Variants in ATP11A observed in about 807,000 individuals in gnomAD.
The protein encoded by ATP11A is ATPase phospholipid transporting 11A.
In ATP11A, 81 loss-of-function variants were observed where a neutral mutation model predicts 154.4. The observed-to-expected ratio is 0.52, with a 90% CI of 0.44 to 0.63. The LOEUF is 0.63. ATP11A is among the 30% of genes least tolerant of loss of function. The probability of loss-of-function intolerance (pLI) is 0.00; values close to 1 mark genes in which losing one functional copy is unlikely to be tolerated. For synonymous variants in ATP11A, 623 were observed against 585.9 expected (o/e 1.06, Z -0.91); for missense variants, 1,316 against 1,474.3 (o/e 0.89, Z 1.76).
Position 112,880,406 on chromosome 13 carries a change from C to G in ATP11A, c.*10-1470C>G, listed in dbSNP as rs965172136. ...GCCCCAAGCCCTCGCCCTGGCAGCTCCATGACACCCCATGCAGACTCCAAC... is the reference window on the plus strand; with the variant it reads ...GCCCCAAGCCCTCGCCCTGGCAGCTGCATGACACCCCATGCAGACTCCAAC... On this transcript the variant is annotated intron_variant, in intron 29 of 29. Coordinates refer to ENST00000375645, the MANE Select transcript of ATP11A (RefSeq NM_015205.3). The G allele has an allele frequency of 1.5e-5, 10 of 654,008 alleles. No homozygotes were observed. In the African/African-American group the frequency reaches 1.8e-4, roughly 11 times the overall value. 40.5% of individuals were successfully genotyped at this position (654,008 alleles called of 1,614,324 possible).
intron 1 of ATP11A, among the ~76,000 whole-genome samples, chr13:112,729,308 C>G (rs1474837029): frequency 6.6e-6 from 1 of 152,234 alleles, no homozygotes; most frequent in African/African-American, 2.4e-5. Flanking sequence ...CGTTTGCTTT[C>G]CCACCCCTGC....
At position 112,854,550 on chromosome 13, in the gene ATP11A, C is replaced by G; in HGVS notation, c.2243+20C>G. On this transcript the variant is annotated intron_variant, in intron 19 of 29. Coordinates refer to ENST00000375645, the MANE Select transcript of ATP11A (RefSeq NM_015205.3). ...GTCCGGGTAGGCAGCGCGTCCCCGC[C>G]CCCACCCCCACACTCCCGCAAAAGG... The G allele has an allele frequency of 6.3e-7, 1 of 1,594,362 alleles. No homozygotes were observed. The highest frequency in any genetic ancestry group is 8.5e-7 in the Non-Finnish European group (1 of 1,173,530).
chr13:112,822,824 C>T (rs2078833908), intron 8 of ATP11A, among the ~76,000 whole-genome samples: 1 of 152,032 alleles, frequency 6.6e-6, no homozygotes, highest in African/African-American at 2.4e-5. Context: ...TTAGCCTTTC[C>T]AGAACATTCT....
Position 112,878,347 on chromosome 13 carries a change from G to A in ATP11A, c.*9+44G>A, listed in dbSNP as rs573062516. ...CCACGCACCTGGGATGGTAGACACG[G>A]GGCAGCAGGGCCATGCCCATCACCA... On this transcript the variant is annotated intron_variant, in intron 29 of 29. Coordinates refer to ENST00000375645, the MANE Select transcript of ATP11A (RefSeq NM_015205.3). 20 of 1,593,522 alleles carry A rather than the reference G, an allele frequency of 1.3e-5. No homozygotes were observed. In the East Asian group the frequency reaches 4.2e-4, roughly 34 times the overall value.
chr13:112,717,586 A>G (rs1022780915), intron 1 of ATP11A: 12 of 152,340 alleles, frequency 7.9e-5, no homozygotes, highest in African/African-American at 2.4e-4. Flanking sequence ...CACTACTGTC[A>G]AGTTTATAGA....
chr13:112,778,522 C>T (rs2077402029), intron 1 of ATP11A, among the ~76,000 whole-genome samples: 1 of 152,270 alleles, frequency 6.6e-6, no homozygotes, highest in Non-Finnish European at 1.5e-5. Flanking sequence ...TTGCTTGAGC[C>T]CAGGAGTTCA....
chr13:112,697,593 A>G lies in ATP11A; in HGVS notation c.39+7138A>G, dbSNP rs1418304640. Among the ~76,000 whole-genome samples the G allele has an allele frequency of 1.3e-5, 2 of 152,022 alleles. No homozygotes were observed. Among genetic ancestry groups the G allele is most frequent in the African/African-American group, 2.4e-5 (1 of 41,380 alleles). ...TTTTTATTTTTTATTTTTGAGACAGAGTCTCACTGTGTTGCTCAGGCTGGA... is the reference window on the plus strand; with the variant it reads ...TTTTTATTTTTTATTTTTGAGACAGGGTCTCACTGTGTTGCTCAGGCTGGA... On this transcript the variant is annotated intron_variant, in intron 1 of 29. Coordinates refer to ENST00000375645, the MANE Select transcript of ATP11A (RefSeq NM_015205.3). The surrounding 1 kb of genome is among the most constrained non-coding windows in gnomAD (Gnocchi z 4.0).
chr13:112,820,155 G>A (rs1228449668), intron 8 of ATP11A, among the ~76,000 whole-genome samples: 1 of 152,220 alleles, frequency 6.6e-6, no homozygotes, highest in Non-Finnish European at 1.5e-5. Flanking sequence ...AGTGATGCTC[G>A]TGAAACAAGT....
intron 1 of ATP11A, among the ~76,000 whole-genome samples, chr13:112,772,294 G>T (rs1315662973): frequency 6.6e-6 from 1 of 152,212 alleles, no homozygotes; most frequent in Non-Finnish European, 1.5e-5. Flanking sequence ...CAGAAGATGG[G>T]CAGGTAGAAG....
At chr13:112,828,123 G>GGGGGAAAGCA (rs2078983298) in intron 12 of ATP11A, among the ~76,000 whole-genome samples, 1 of 139,274 alleles carries the variant, frequency 7.2e-6, no homozygotes, top group African/African-American at 2.7e-5. Context: ...GGGGGGAAGC[G>GGGGGAAAGCA]CCCAGCAGCG....
At chr13:112,772,682 A>G (rs9604436) in intron 1 of ATP11A, among the ~76,000 whole-genome samples, 14,346 of 152,156 alleles carry the variant, frequency 0.094, 1,025 homozygotes, top group African/African-American at 0.19. Flanking sequence ...GCAGCTGCTA[A>G]TGCACCTTCT....
At chr13:112,873,886 G>A (rs538781757) in intron 27 of ATP11A, among the ~76,000 whole-genome samples, 7 of 152,234 alleles carry the variant, frequency 4.6e-5, no homozygotes, top group African/African-American at 1.7e-4. Context: ...TGCATCTTCC[G>A]GGGGAGAAAG....
intron 1 of ATP11A, among the ~76,000 whole-genome samples, chr13:112,771,552 C>G (rs575331148): frequency 6.6e-6 from 1 of 152,300 alleles, no homozygotes; most frequent in Non-Finnish European, 1.5e-5. Flanking sequence ...CCTTTGGAAA[C>G]TTACTGGGCT....
intron 1 of ATP11A, among the ~76,000 whole-genome samples, chr13:112,780,295 G>A (rs535867700): frequency 7.9e-4 from 120 of 151,998 alleles, no homozygotes; most frequent in Non-Finnish European, 1.4e-3. Context: ...AGTCAGAGGC[G>A]GTCGGCAGCC....
Position 112,690,400 on chromosome 13 carries a change from G to T in ATP11A, c.-17G>T. 7.7e-7 allele frequency: 1 copy of T among 1,296,142 alleles called. No individual in the cohort carries two copies. The highest frequency in any genetic ancestry group is 9.8e-7 in the Non-Finnish European group (1 of 1,022,048). The allele number at this position is 1,296,142 out of a possible 1,614,324, so 80.3% of individuals were successfully genotyped here. ...GCGGGGGCGCTGAACGGCGGAGCGG[G>T]AGCGGCCGGAGGAGCCATGGACTGC... On this transcript the variant is annotated 5_prime_UTR_variant, in exon 1 of 30. Coordinates refer to ENST00000375645, the MANE Select transcript of ATP11A (RefSeq NM_015205.3). The surrounding 1 kb of genome is among the most constrained non-coding windows in gnomAD (Gnocchi z 5.6).
chr13:112,738,477 A>C (rs576467097), intron 1 of ATP11A, among the ~76,000 whole-genome samples: 1 of 152,240 alleles, frequency 6.6e-6, no homozygotes, highest in African/African-American at 2.4e-5. Context: ...GATTATTGCC[A>C]TAATTTACTG....
chr13:112,803,220 G>A (rs1175427105), intron 2 of ATP11A, among the ~76,000 whole-genome samples: 3 of 152,192 alleles, frequency 2.0e-5, no homozygotes, highest in African/African-American at 4.8e-5. Context: ...TTTAAAAGAC[G>A]CACATGGATT....
chr13:112,832,789 C>T (rs2079131591), intron 13 of ATP11A, 71 bp from the exon 14 acceptor site: 15 of 1,553,310 alleles, frequency 9.7e-6, no homozygotes, highest in Middle Eastern at 1.7e-4. Flanking sequence ...TGTTATCTCT[C>T]TGCGCCTGTT....
intron 2 of ATP11A, among the ~76,000 whole-genome samples, chr13:112,802,115 C>T (rs1356797581): frequency 3.9e-5 from 6 of 152,152 alleles, no homozygotes; most frequent in South Asian, 2.1e-4. Flanking sequence ...GAGGCCGAGG[C>T]GGGCGGATCA....
Sources: gnomAD v4.1 joint callset for allele counts (sites outside exome capture counted in the v4.1 genomes callset) on GRCh38, gnomAD v4.1.1 for gene constraint, Gnocchi (gnomAD v3.1) non-coding constraint, MANE v1.5 for transcripts, NCBI Gene and HGNC (gene_info 2026-07-23, HGNC 2026-07-21) for gene names.